RTN1: variants seen among roughly 807,000 people sequenced by gnomAD.
RTN1 encodes the protein reticulon-1.
RTN1 carries 25 observed loss-of-function variants against 65.5 expected under a neutral mutation model. That is an observed-to-expected ratio of 0.38 (90% CI 0.28 to 0.53). The LOEUF is 0.53. Ranked by LOEUF, RTN1 falls within the 20% of genes least tolerant of loss-of-function variation. RTN1 has a pLI of 0.79. For missense variants in RTN1, 983 were observed against 1,025.4 expected (o/e 0.96, Z 0.57); for synonymous variants, 471 against 447.6 (o/e 1.05, Z -0.66).
rs146180976 is a variant in RTN1, at chr14:59,745,760, C to T, written c.963G>A (p.Ser321=). 75 of 1,613,744 alleles carry T rather than the reference C, an allele frequency of 4.6e-5. No homozygotes were observed. The highest frequency in any genetic ancestry group is 2.4e-4 in the African/African-American group (18 of 74,958). ...ATCCTGGGCTGTCGTCTTCAGGCTC[C>T]GAGACAGTGACAGTGGGGACTGTGT... ...SPDTVPTVTV[S]EPEDDSPGSI... is the part of the protein sequence containing the mutation. The change falls in exon 2 of 9, where the codon TCG becomes TCA. Residue 321 remains serine, a synonymous_variant. Coordinates refer to ENST00000267484, the MANE Select transcript of RTN1 (RefSeq NM_021136.3).
At chr14:59,629,954 C>T (rs190355613) in intron 3 of RTN1, among the ~76,000 whole-genome samples, 71 of 152,324 alleles carry the variant, frequency 4.7e-4, no homozygotes, top group Non-Finnish European at 9.4e-4. Context: ...TGCATCTCCA[C>T]TCTCCTTTGT....
intron 1 of RTN1, among the ~76,000 whole-genome samples, chr14:59,859,691 C>T (rs1427628608): frequency 1.3e-5 from 2 of 152,134 alleles, no homozygotes; most frequent in African/African-American, 2.4e-5. Flanking sequence ...ACTTGTTAAA[C>T]GGCTTTGACC....
intron 3 of RTN1, chr14:59,630,772 G>C (rs1236524270): frequency 2.8e-6 from 3 of 1,065,642 alleles, no homozygotes; most frequent in Non-Finnish European, 3.4e-6. Flanking sequence ...GCGTTGGCTG[G>C]GCTGCCCAAG....
At chr14:59,665,849 A>T (rs1001551788) in intron 3 of RTN1, among the ~76,000 whole-genome samples, 4 of 152,216 alleles carry the variant, frequency 2.6e-5, no homozygotes, top group South Asian at 2.1e-4. Context: ...AAAGAAGGCC[A>T]TTATATAATG....
rs1368109388 is a variant in RTN1, at chr14:59,853,071, G to C, written c.241+17319C>G. On this transcript the variant is annotated intron_variant, in intron 1 of 8. Coordinates refer to ENST00000267484, the MANE Select transcript of RTN1 (RefSeq NM_021136.3). ...ACAGTGATCTCTATGAGAGTATCTG[G>C]AATCATTGATTTCTAAGAGTTAGAA... is the stretch of plus-strand genomic sequence containing the variant. 2.6e-5 allele frequency among the ~76,000 whole-genome samples: 4 copies of C among 152,064 alleles called. No individual in the cohort carries two copies. The East Asian group carries it at 7.7e-4, about 29-fold the overall frequency.
At chr14:59,744,115 A>G (rs1885168134) in intron 2 of RTN1, among the ~76,000 whole-genome samples, 1 of 152,148 alleles carries the variant, frequency 6.6e-6, no homozygotes, top group Admixed American at 6.5e-5. Context: ...GGGAAAGAAG[A>G]TAGGAGGAAC....
At chr14:59,639,102 G>C (rs1299574648) in intron 3 of RTN1, among the ~76,000 whole-genome samples, 1 of 152,214 alleles carries the variant, frequency 6.6e-6, no homozygotes, top group Admixed American at 6.5e-5. Context: ...AGGGAATAAA[G>C]AGACGTGAGA....
intron 1 of RTN1, among the ~76,000 whole-genome samples, chr14:59,752,754 C>A (rs1885558691): frequency 6.6e-6 from 1 of 152,120 alleles, no homozygotes; most frequent in South Asian, 2.1e-4. Context: ...ACTCTTCAAT[C>A]CATTAACGAG....
At chr14:59,708,416 G>A (rs948921432) in intron 3 of RTN1, among the ~76,000 whole-genome samples, 2 of 152,200 alleles carry the variant, frequency 1.3e-5, no homozygotes, top group African/African-American at 2.4e-5. Flanking sequence ...ATTGCATAAG[G>A]TGTAAACACA....
intron 8 of RTN1, among the ~76,000 whole-genome samples, chr14:59,600,413 A>G (rs1466695130): frequency 6.6e-6 from 1 of 152,224 alleles, no homozygotes; most frequent in Non-Finnish European, 1.5e-5. Context: ...AGGCTCATAG[A>G]GTCAAATAAC....
At chr14:59,815,035 C>T (rs990688830) in intron 1 of RTN1, among the ~76,000 whole-genome samples, 4 of 152,222 alleles carry the variant, frequency 2.6e-5, no homozygotes, top group African/African-American at 9.6e-5. Context: ...TCAAGACTCA[C>T]AGTCTTGTGC....
intron 3 of RTN1, among the ~76,000 whole-genome samples, chr14:59,644,764 G>A (rs1015538028): frequency 2.7e-5 from 4 of 150,822 alleles, no homozygotes; most frequent in Non-Finnish European, 4.4e-5. Context: ...GTCATCTTTG[G>A]TGTTTCACAG....
At chr14:59,756,814 G>A (rs563870915) in intron 1 of RTN1, among the ~76,000 whole-genome samples, 64 of 96,774 alleles carry the variant, frequency 6.6e-4, no homozygotes, top group African/African-American at 2.5e-3. Flanking sequence ...CCCCACCCCC[G>A]ACACAGTCTC....
At position 59,745,959 on chromosome 14, in the gene RTN1, A is replaced by T; in HGVS notation, c.764T>A (p.Leu255Ter). Reference sequence around the variant, plus strand: ...GTATGGAGCAAATGTGGATTCTTCCAATAAATGGTCCTTGATGATTTTTCC... The same window carrying T: ...GTATGGAGCAAATGTGGATTCTTCCTATAAATGGTCCTTGATGATTTTTCC... ...VEGKIIKDHL[L>*]EESTFAPYID... Residue 255 changes from leucine (L) to a stop codon, truncating the protein, a stop_gained, in exon 2 of 9, where the codon TTG (leucine) becomes TAG (stop). Coordinates refer to ENST00000267484, the MANE Select transcript of RTN1 (RefSeq NM_021136.3). LOFTEE classifies it high-confidence loss of function. The T allele has an allele frequency of 1.2e-6, 2 of 1,614,174 alleles. No individual in the cohort carries two copies. The highest frequency in any genetic ancestry group is 1.7e-6 in the Non-Finnish European group (2 of 1,180,044).
chr14:59,741,975 GT>G (rs894147332), intron 2 of RTN1, among the ~76,000 whole-genome samples: 2 of 152,138 alleles, frequency 1.3e-5, no homozygotes, highest in African/African-American at 4.8e-5. Context: ...TTATGGGTTT[GT>G]TTTTTATTGC....
At chr14:59,863,205 CA>C (rs150450189) in intron 1 of RTN1, among the ~76,000 whole-genome samples, 12 of 148,588 alleles carry the variant, frequency 8.1e-5, no homozygotes, top group Non-Finnish European at 1.3e-4. Context: ...TTCTCCATAG[CA>C]AAAAAAAAAT....
At chr14:59,797,082 T>C (rs1886453882) in intron 1 of RTN1, among the ~76,000 whole-genome samples, 1 of 152,228 alleles carries the variant, frequency 6.6e-6, no homozygotes, top group Non-Finnish European at 1.5e-5. Flanking sequence ...CCTTCCATCA[T>C]TGTTGGAATT....
At chr14:59,857,807 AAGAAAGG>A (rs1447886178) in intron 1 of RTN1, among the ~76,000 whole-genome samples, 1 of 152,182 alleles carries the variant, frequency 6.6e-6, no homozygotes, top group Admixed American at 6.5e-5. Flanking sequence ...CAGAATCCAT[AAGAAAGG>A]AGACTAGAGT....
intron 1 of RTN1, among the ~76,000 whole-genome samples, chr14:59,805,473 T>C (rs1362303008): frequency 6.6e-6 from 1 of 152,322 alleles, no homozygotes; most frequent in East Asian, 1.9e-4. Flanking sequence ...AATATTCTGA[T>C]TGGAACTGAA....
Sources: gnomAD v4.1 joint callset for allele counts (sites outside exome capture counted in the v4.1 genomes callset) on GRCh38, gnomAD v4.1.1 for gene constraint, MANE v1.5 for transcripts, NCBI Gene and HGNC (gene_info 2026-07-23, HGNC 2026-07-21) for gene names.